Variants in ZFP91 observed in about 807,000 individuals in gnomAD.
The protein encoded by ZFP91 is ZFP91 zinc finger protein, atypical E3 ubiquitin ligase.
Under a neutral mutation model 63.5 loss-of-function variants are expected in ZFP91, and 7 were observed. The observed-to-expected ratio is 0.11, with a 90% CI of 0.06 to 0.21. The LOEUF (loss-of-function observed/expected upper bound fraction) is 0.21, where lower values mean the gene tolerates loss of function less well. ZFP91 is among the 10% of genes least tolerant of loss of function. ZFP91 has a pLI of 1.00. For synonymous variants in ZFP91, 330 were observed against 272.1 expected (o/e 1.21, Z -2.10); for missense variants, 628 against 736.6 (o/e 0.85, Z 1.71).
chr11:58,591,609 C>T (rs954864255), intron 2 of ZFP91, among the ~76,000 whole-genome samples: 3 of 152,136 alleles, frequency 2.0e-5, no homozygotes, highest in African/African-American at 4.8e-5. Context: ...TTCTCACCCC[C>T]AACCCTAGGC....
Position 58,579,370 on chromosome 11 carries a change from A to G in ZFP91, c.89A>G (p.Gln30Arg). 2.0e-6 allele frequency: 3 copies of G among 1,491,544 alleles called. No homozygotes were observed. The highest frequency in any genetic ancestry group is 2.7e-6 in the Non-Finnish European group (3 of 1,125,468). 92.4% of individuals were successfully genotyped at this position (1,491,544 alleles called of 1,614,324 possible). The part of the protein sequence containing the change: ...EAAKAAPEEP[Q>R]QRPPEAVAAA... ...GCCAAGGCGGCTCCGGAGGAGCCCC[A>G]ACAACGGCCCCCTGAGGCGGTCGCG... The change falls in exon 1 of 11, where the codon CAA becomes CGA. Residue 30 changes from glutamine (Q) to arginine (R), a missense_variant. Physicochemically the swap from Gln to Arg is conservative, Grantham distance 43 (BLOSUM62 1). Transcript: ENST00000316059.
At position 58,618,532 on chromosome 11, in the gene ZFP91, G is replaced by A. The variant is rs1024635435; in HGVS notation, c.*826G>A. 2.3e-5 allele frequency: 9 copies of A among 388,188 alleles called. No homozygotes were observed. The highest frequency in any genetic ancestry group is 1.9e-4 in the African/African-American group (9 of 47,108). The allele number at this position is 388,188 out of a possible 1,614,324, so 24.0% of individuals were successfully genotyped here. Reference sequence around the variant, plus strand: ...TTGCACTTTGAACATGTGTGTTTTTGTGTTGTGGAACCTGAGATTCCTTAT... The same window carrying A: ...TTGCACTTTGAACATGTGTGTTTTTATGTTGTGGAACCTGAGATTCCTTAT... On this transcript the variant is annotated 3_prime_UTR_variant, in exon 11 of 11. Coordinates refer to ENST00000316059, the MANE Select transcript of ZFP91 (RefSeq NM_053023.5).
At position 58,579,115 on chromosome 11, in the gene ZFP91, T is replaced by G. The variant is rs866537377; in HGVS notation, c.-167T>G. On this transcript the variant is annotated 5_prime_UTR_variant, in exon 1 of 11. Transcript: ENST00000316059. The stretch of plus-strand genomic sequence containing the variant: ...GTAGCGGACCTTGAGTGGCAGGGGG[T>G]GGGGGGGGCGCCCTCGGAGCCGGGC... 6.3e-3 allele frequency: 1,597 copies of G among 253,914 alleles called. No individual in the cohort carries two copies. The highest frequency in any genetic ancestry group is 0.024 in the African/African-American group (231 of 9,584). The allele number at this position is 253,914 out of a possible 1,614,324, so 15.7% of individuals were successfully genotyped here.
At position 58,600,166 on chromosome 11, in the gene ZFP91, T is replaced by C. The variant is rs1409798082; in HGVS notation, c.371-9664T>C. 2.6e-5 allele frequency among the ~76,000 whole-genome samples: 4 copies of C among 152,086 alleles called. 1 individual carries two copies. The highest frequency in any genetic ancestry group is 1.9e-4 in the East Asian group (1 of 5,196). ...TTGTTTTCAAGATGGCTGTGACTAGTGTAGATCCCTTGCATTTTCCTGTGA... is the reference window on the plus strand; with the variant it reads ...TTGTTTTCAAGATGGCTGTGACTAGCGTAGATCCCTTGCATTTTCCTGTGA... On this transcript the variant is annotated intron_variant, in intron 2 of 10. Transcript: ENST00000316059.
chr11:58,584,806 C>A, intron 1 of ZFP91, 50 bp from the exon 2 acceptor site: 1 of 1,475,490 alleles, frequency 6.8e-7, no homozygotes, highest in South Asian at 1.3e-5. Flanking sequence ...TTTATATTTT[C>A]AGAAAATGTG....
chr11:58,612,465 A>G, intron 7 of ZFP91, 137 bp downstream of exon 7: 1 of 759,996 alleles, frequency 1.3e-6, no homozygotes, highest in Non-Finnish European at 2.2e-6. Flanking sequence ...AATGTCCTAG[A>G]TGCACAGGTG....
At chr11:58,611,827 G>GT (rs1486851355) in intron 6 of ZFP91, 89 bp downstream of exon 6, 1 of 1,414,380 alleles carries the variant, frequency 7.1e-7, no homozygotes, top group Non-Finnish European at 9.4e-7. Flanking sequence ...GGATGTTGAC[G>GT]TATACATGCT....
At chr11:58,580,621 T>G (rs1855097048) in intron 1 of ZFP91, among the ~76,000 whole-genome samples, 1 of 152,208 alleles carries the variant, frequency 6.6e-6, no homozygotes, top group South Asian at 2.1e-4. Context: ...AAGGTTTGAC[T>G]TACACCAGAC....
intron 2 of ZFP91, among the ~76,000 whole-genome samples, chr11:58,605,270 A>G (rs937313906): frequency 1.3e-5 from 2 of 152,232 alleles, no homozygotes; most frequent in Non-Finnish European, 2.9e-5. Context: ...ATTAACATAA[A>G]TTTACAGTTG....
chr11:58,607,738 TATATA>T (rs1298073139), intron 2 of ZFP91, among the ~76,000 whole-genome samples: 4 of 152,188 alleles, frequency 2.6e-5, no homozygotes, highest in African/African-American at 9.6e-5. Flanking sequence ...CCATACTGTA[TATATA>T]GTTTTGTGTC....
rs1041275394 is a variant in ZFP91, at chr11:58,588,037, A to G, written c.370+3153A>G. 2.0e-5 allele frequency among the ~76,000 whole-genome samples: 3 copies of G among 152,156 alleles called. No homozygotes were observed. In the East Asian group the frequency reaches 5.8e-4, roughly 29 times the overall value. ...TTGAGTAATGTGCAGTGTAAATACCAAAATTTTGCAGCGATTACCTAACCT... is the reference window on the plus strand; with the variant it reads ...TTGAGTAATGTGCAGTGTAAATACCGAAATTTTGCAGCGATTACCTAACCT... On this transcript the variant is annotated intron_variant, in intron 2 of 10. Transcript: ENST00000316059.
At chr11:58,603,931 C>T (rs1855531235) in intron 2 of ZFP91, among the ~76,000 whole-genome samples, 1 of 152,160 alleles carries the variant, frequency 6.6e-6, no homozygotes, top group African/African-American at 2.4e-5. Flanking sequence ...CCCCCAGTCT[C>T]ATTCATAACT....
Position 58,619,164 on chromosome 11 carries a change from G to A in ZFP91, c.*1458G>A, listed in dbSNP as rs1319918328. On this transcript the variant is annotated 3_prime_UTR_variant, in exon 11 of 11. Transcript: ENST00000316059. ...CCCCTTTAGTAACACTTCTGAAGAG[G>A]AAAAACTTCAATAGCCAAAGTTAAT... The A allele has an allele frequency of 6.5e-6, 1 of 152,816 alleles. No homozygotes were observed. Among genetic ancestry groups the A allele is most frequent in the Non-Finnish European group, 1.5e-5 (1 of 68,346 alleles). 9.5% of individuals were successfully genotyped at this position (152,816 alleles called of 1,614,324 possible). A position where few individuals can be genotyped will look rare whatever the true frequency, so the allele number is the denominator to read the frequency against.
chr11:58,609,020 T>A (rs1340388766), intron 2 of ZFP91, among the ~76,000 whole-genome samples: 2 of 152,216 alleles, frequency 1.3e-5, no homozygotes, highest in African/African-American at 4.8e-5. Flanking sequence ...TTATTGGGCC[T>A]TTCCCGTTCT....
chr11:58,596,493 T>A (rs150103302), intron 2 of ZFP91, among the ~76,000 whole-genome samples: 2 of 152,226 alleles, frequency 1.3e-5, no homozygotes, highest in Non-Finnish European at 2.9e-5. Flanking sequence ...AATTGGAACC[T>A]TTCTGCCAGA....
intron 10 of ZFP91, 62 bp downstream of exon 10, chr11:58,616,877 G>A (rs1429247779): frequency 6.7e-7 from 1 of 1,500,596 alleles, no homozygotes; most frequent in Admixed American, 1.7e-5. Flanking sequence ...TTGAAGGTTT[G>A]CCGCTTTACA....
intron 3 of ZFP91, 107 bp downstream of exon 3, chr11:58,610,146 T>C: frequency 7.0e-7 from 1 of 1,420,434 alleles, no homozygotes; most frequent in African/African-American, 1.4e-5. Context: ...GCAGGTTTGA[T>C]GGTGTAGGTG....
intron 1 of ZFP91, among the ~76,000 whole-genome samples, chr11:58,581,751 G>C (rs963860546): frequency 6.6e-6 from 1 of 152,152 alleles, no homozygotes; most frequent in Non-Finnish European, 1.5e-5. Flanking sequence ...CTAACTCTTG[G>C]CAACAAAGTA....
At position 58,617,070 on chromosome 11, in the gene ZFP91, T is replaced by TTGTG. The variant is rs143676081; in HGVS notation, c.1203-100_1203-97dup. ...TTCAAAAGAAGTATGTTACTGATTA[T>TTGTG]TGTGTGTGTGTGTGTGTGTGTGTGT... On this transcript the variant is annotated intron_variant, in intron 10 of 10. Transcript: ENST00000316059. The surrounding 1 kb of genome is among the most constrained non-coding windows in gnomAD (Gnocchi z 4.2). 1,395 of 739,954 alleles carry TTGTG rather than the reference T, an allele frequency of 1.9e-3. 2 individuals are homozygous for TTGTG. The highest frequency in any genetic ancestry group is 7.0e-3 in the African/African-American group (387 of 54,910). The allele number at this position is 739,954 out of a possible 1,614,324, so 45.8% of individuals were successfully genotyped here. A position where few individuals can be genotyped will look rare whatever the true frequency, so the allele number is the denominator to read the frequency against.
Sources: gnomAD v4.1 joint callset for allele counts (sites outside exome capture counted in the v4.1 genomes callset) on GRCh38, gnomAD v4.1.1 for gene constraint, Gnocchi (gnomAD v3.1) non-coding constraint, MANE v1.5 for transcripts, NCBI Gene and HGNC (gene_info 2026-07-23, HGNC 2026-07-21) for gene names.